Variants in SPATS2 observed in about 807,000 individuals in gnomAD.
SPATS2 encodes spermatogenesis-associated serine-rich protein 2.
SPATS2 carries 38 observed loss-of-function variants against 63.7 expected under a neutral mutation model. The ratio of observed to expected loss-of-function variants is 0.60; its 90% CI spans 0.46 to 0.78. The LOEUF (loss-of-function observed/expected upper bound fraction) is 0.78, where lower values mean the gene tolerates loss of function less well. SPATS2 is among the 30% of genes least tolerant of loss of function. The pLI is 0.00. For synonymous variants in SPATS2, 207 were observed against 232.9 expected (o/e 0.89, Z 1.01); for missense variants, 588 against 666.2 (o/e 0.88, Z 1.29).
chr12:49,432,848 C>G (rs970876493), intron 2 of SPATS2, among the ~76,000 whole-genome samples: 4 of 152,174 alleles, frequency 2.6e-5, no homozygotes, highest in Non-Finnish European at 4.4e-5. Flanking sequence ...GCTTTCACCT[C>G]TTTTCTGAAT....
chr12:49,391,382 T>C (rs1196050055), intron 2 of SPATS2, among the ~76,000 whole-genome samples: 1 of 152,128 alleles, frequency 6.6e-6, no homozygotes, highest in Non-Finnish European at 1.5e-5. Flanking sequence ...CGTGGAGGCG[T>C]GTGCCTGTAA....
chr12:49,492,559 G>C (rs1180856343), intron 6 of SPATS2, among the ~76,000 whole-genome samples: 2 of 152,092 alleles, frequency 1.3e-5, no homozygotes, highest in South Asian at 4.1e-4. Flanking sequence ...AGGATTATAA[G>C]TTACTAGTGA....
At chr12:49,481,935 C>T (rs1172992115) in intron 3 of SPATS2, among the ~76,000 whole-genome samples, 1 of 152,124 alleles carries the variant, frequency 6.6e-6, no homozygotes, top group Non-Finnish European at 1.5e-5. Context: ...TGCCTTATTT[C>T]TTACCAATAG....
intron 2 of SPATS2, among the ~76,000 whole-genome samples, chr12:49,402,202 A>C (rs1389268666): frequency 6.6e-6 from 1 of 152,124 alleles, no homozygotes; most frequent in East Asian, 1.9e-4. Context: ...TTTTCTTAAC[A>C]GGGGTTGTAT....
intron 3 of SPATS2, among the ~76,000 whole-genome samples, chr12:49,466,722 T>C (rs541267367): frequency 6.6e-6 from 1 of 152,332 alleles, no homozygotes; most frequent in Non-Finnish European, 1.5e-5. Context: ...GTTTAATAAG[T>C]AAGGAAGATA....
At chr12:49,385,624 C>T (rs12296998) in intron 2 of SPATS2, among the ~76,000 whole-genome samples, 1,608 of 151,886 alleles carry the variant, frequency 0.011, 27 homozygotes, top group African/African-American at 0.036. Context: ...AATTTTCTTA[C>T]GATTGTTTTA....
chr12:49,519,969 C>T (rs936699208), intron 11 of SPATS2, among the ~76,000 whole-genome samples: 3 of 151,858 alleles, frequency 2.0e-5, no homozygotes, highest in Admixed American at 2.0e-4. Flanking sequence ...CGCCTGCCAC[C>T]ACGCCTGGCT....
intron 3 of SPATS2, among the ~76,000 whole-genome samples, chr12:49,465,927 G>A (rs983472349): frequency 6.6e-6 from 1 of 151,860 alleles, no homozygotes; most frequent in Non-Finnish European, 1.5e-5. Context: ...CTGGGTGACA[G>A]TGTGAGACTC....
At chr12:49,516,372 AAAG>A (rs1355219404) in intron 10 of SPATS2, among the ~76,000 whole-genome samples, 3 of 150,340 alleles carry the variant, frequency 2.0e-5, no homozygotes, top group Non-Finnish European at 4.4e-5. Context: ...AATTAAAAAA[AAAG>A]AAGGTGCTTT....
chr12:49,447,516 C>T (rs941078390), intron 2 of SPATS2, among the ~76,000 whole-genome samples: 5 of 152,206 alleles, frequency 3.3e-5, no homozygotes, highest in Admixed American at 2.0e-4. Flanking sequence ...GGATTACAGG[C>T]GTGAGCCACT....
At chr12:49,445,684 A>C (rs1945498214) in intron 2 of SPATS2, among the ~76,000 whole-genome samples, 1 of 151,638 alleles carries the variant, frequency 6.6e-6, no homozygotes, top group Non-Finnish European at 1.5e-5. Flanking sequence ...CACCTGGCTA[A>C]TTTTTAAAAA....
intron 3 of SPATS2, chr12:49,461,266 G>A (rs905353670): frequency 1.9e-6 from 1 of 521,904 alleles, no homozygotes; most frequent in Non-Finnish European, 3.4e-6. Flanking sequence ...CAATCTTGAA[G>A]ATGCATTTTT....
At position 49,444,497 on chromosome 12, in the gene SPATS2, G is replaced by A. The variant is rs780964429; in HGVS notation, c.-243-16273G>A. 1.2e-4 allele frequency among the ~76,000 whole-genome samples: 19 copies of A among 152,186 alleles called. No homozygotes were observed. The Middle Eastern group carries it at 0.014, about 109-fold the overall frequency. Reference sequence around the variant, plus strand: ...GCCTCCCAAAGTGCTTGGATTATAGGTGTGAGCCATTACACCCAGCCTTAA... The same window carrying A: ...GCCTCCCAAAGTGCTTGGATTATAGATGTGAGCCATTACACCCAGCCTTAA... On this transcript the variant is annotated intron_variant, in intron 2 of 13. Coordinates refer to ENST00000552918, the MANE Select transcript of SPATS2 (RefSeq NM_023071.4).
chr12:49,511,081 G>A (rs147785023), intron 9 of SPATS2, among the ~76,000 whole-genome samples: 2 of 152,018 alleles, frequency 1.3e-5, no homozygotes, highest in African/African-American at 4.8e-5. Flanking sequence ...CGTGCCCATA[G>A]TCCCAGCTAC....
chr12:49,438,722 A>G (rs967300329), intron 2 of SPATS2, among the ~76,000 whole-genome samples: 5 of 152,246 alleles, frequency 3.3e-5, no homozygotes, highest in Admixed American at 1.3e-4. Flanking sequence ...CAAAATGCAC[A>G]CATTTAAGTG....
intron 2 of SPATS2, among the ~76,000 whole-genome samples, chr12:49,395,235 G>A (rs1944488494): frequency 6.7e-6 from 1 of 149,326 alleles, no homozygotes; most frequent in Non-Finnish European, 1.5e-5. Context: ...CTGGCCTCAA[G>A]TGACCTCCTG....
intron 3 of SPATS2, among the ~76,000 whole-genome samples, chr12:49,465,630 A>G (rs1480920768): frequency 6.6e-6 from 1 of 152,124 alleles, no homozygotes; most frequent in South Asian, 2.1e-4. Flanking sequence ...ATATTCTCCC[A>G]TTCCATGGCT....
intron 10 of SPATS2, among the ~76,000 whole-genome samples, chr12:49,517,126 G>T (rs1349616970): frequency 6.6e-6 from 1 of 152,162 alleles, no homozygotes; most frequent in Non-Finnish European, 1.5e-5. Flanking sequence ...CTATAATTTT[G>T]TCATAGAATC....
rs910210743 is a variant in SPATS2 at position 49,526,787 on chromosome 12, T to A, written c.*532T>A. On this transcript the variant is annotated 3_prime_UTR_variant, in exon 14 of 14. Coordinates refer to ENST00000552918, the MANE Select transcript of SPATS2 (RefSeq NM_023071.4). ...CTCTATCCCAGAATGTGCTGGAGAT[T>A]TGACACTCAAATCAGTGTTTAGTCT... is the stretch of plus-strand genomic sequence containing the variant. 6.5e-6 allele frequency: 1 copy of A among 153,690 alleles called. No individual in the cohort carries two copies. The highest frequency in any genetic ancestry group is 1.4e-5 in the Non-Finnish European group (1 of 69,118). 9.5% of individuals were successfully genotyped at this position (153,690 alleles called of 1,614,324 possible). A position where few individuals can be genotyped will look rare whatever the true frequency, so the allele number is the denominator to read the frequency against.
Sources: gnomAD v4.1 joint callset for allele counts (sites outside exome capture counted in the v4.1 genomes callset) on GRCh38, gnomAD v4.1.1 for gene constraint, MANE v1.5 for transcripts, NCBI Gene and HGNC (gene_info 2026-07-23, HGNC 2026-07-21) for gene names.